Variants in ROBO1 observed in about 807,000 individuals in gnomAD.
ROBO1 encodes roundabout homolog 1.
ROBO1 carries 149 observed loss-of-function variants against 195.9 expected under a neutral mutation model. The ratio of observed to expected loss-of-function variants is 0.76; its 90% CI spans 0.67 to 0.87. The LOEUF (loss-of-function observed/expected upper bound fraction) is 0.87. Ranked by LOEUF, ROBO1 falls within the 40% of genes least tolerant of loss-of-function variation. The probability of loss-of-function intolerance (pLI) is 0.00; values close to 1 mark genes in which losing one functional copy is unlikely to be tolerated. For missense variants in ROBO1, 1,933 were observed against 2,068.3 expected, an observed-to-expected ratio of 0.93 and a Z score of 1.27; for synonymous variants, 816 against 733.2, an observed-to-expected ratio of 1.11 and a Z score of -1.82.
intron 6 of ROBO1, 69 bp from the exon 7 acceptor site, chr3:78,717,482 T>A: frequency 2.3e-6 from 3 of 1,320,852 alleles, no homozygotes; most frequent in East Asian, 4.6e-5. Context: ...CTTTAGGAGT[T>A]CAGTAAGAGC....
At chr3:79,563,363 G>A (rs1446320832) in intron 2 of ROBO1, among the ~76,000 whole-genome samples, 2 of 152,046 alleles carry the variant, frequency 1.3e-5, no homozygotes, top group East Asian at 1.9e-4. Flanking sequence ...ATAAAAGCGT[G>A]TGTATTTCTG....
At chr3:79,213,446 C>T (rs941848363) in intron 2 of ROBO1, among the ~76,000 whole-genome samples, 2 of 152,064 alleles carry the variant, frequency 1.3e-5, no homozygotes, top group Non-Finnish European at 2.9e-5. Context: ...TAGGTAATTT[C>T]CTCTTCTATT....
intron 2 of ROBO1, among the ~76,000 whole-genome samples, chr3:79,290,569 C>T (rs1444190496): frequency 6.6e-6 from 1 of 152,110 alleles, no homozygotes; most frequent in East Asian, 1.9e-4. Context: ...ATTGTACTCT[C>T]GACACCTCTC....
intron 2 of ROBO1, among the ~76,000 whole-genome samples, chr3:79,235,892 T>A (rs1243285061): frequency 6.6e-6 from 1 of 152,110 alleles, no homozygotes; most frequent in Non-Finnish European, 1.5e-5. Flanking sequence ...ATAGGTATGG[T>A]ATACTATATT....
chr3:79,183,887 T>C (rs900729856), intron 2 of ROBO1, among the ~76,000 whole-genome samples: 1 of 152,248 alleles, frequency 6.6e-6, no homozygotes. Context: ...TAACCATGAA[T>C]GTAATGACTT....
intron 5 of ROBO1, among the ~76,000 whole-genome samples, chr3:78,734,045 A>C (rs2108206786): frequency 6.6e-6 from 1 of 152,288 alleles, no homozygotes; most frequent in South Asian, 2.1e-4. Flanking sequence ...ATTATGAAGT[A>C]CAACTTTCTT....
In ROBO1 at chr3:78,668,579, CA is replaced by C. The variant is rs1291233280; in HGVS notation, c.1549-15del. The stretch of plus-strand genomic sequence containing the variant: ...AGTATCACCCAGCTGAGAAGGCAGA[CA>C]AAAAATAAATATTTGGAAAAATCAA... On this transcript the variant is annotated splice_polypyrimidine_tract_variant and intron_variant, in intron 11 of 30. Transcript: ENST00000464233. The C allele has an allele frequency of 6.2e-7, 1 of 1,610,528 alleles. No individual in the cohort carries two copies. Among genetic ancestry groups the C allele is most frequent in the Admixed American group, 1.7e-5 (1 of 59,592 alleles).
In ROBO1 at chr3:79,643,332, C is replaced by T. The variant is rs1355366538; in HGVS notation, c.-50-53371G>A. ...GGGACTTGGACTGGCTTCCTTGTTC[C>T]TCAGCTTGCAGATGGCCTATTGTGA... On this transcript the variant is annotated intron_variant, in intron 1 of 30. Transcript: ENST00000464233. Among the ~76,000 whole-genome samples, 3 of 152,112 alleles carry T rather than the reference C, an allele frequency of 2.0e-5. No individual in the cohort carries two copies. The East Asian group carries it at 5.8e-4, about 29-fold the overall frequency.
intron 5 of ROBO1, among the ~76,000 whole-genome samples, chr3:78,734,188 G>T (rs978585138): frequency 6.6e-6 from 1 of 152,008 alleles, no homozygotes; most frequent in Non-Finnish European, 1.5e-5. Context: ...AAGAGTTGGC[G>T]GAATTCCATG....
At chr3:79,001,969 T>C (rs2077515584) in intron 3 of ROBO1, among the ~76,000 whole-genome samples, 1 of 152,186 alleles carries the variant, frequency 6.6e-6, no homozygotes, top group Non-Finnish European at 1.5e-5. Flanking sequence ...GTTTAGAATT[T>C]CATTCAATCA....
rs574126654 is a variant in ROBO1 at position 79,354,860 on chromosome 3, T to C, written c.89-229321A>G. On this transcript the variant is annotated intron_variant, in intron 2 of 30. Coordinates refer to ENST00000464233, the MANE Select transcript of ROBO1 (RefSeq NM_002941.4). Reference sequence around the variant, plus strand: ...GATGTAGATTTGTGGGTCATTAGCATATAAATCTTAGAAACCATGCAAGTG... The same window carrying C: ...GATGTAGATTTGTGGGTCATTAGCACATAAATCTTAGAAACCATGCAAGTG... Among the ~76,000 whole-genome samples, 21 of 152,260 alleles carry C rather than the reference T, an allele frequency of 1.4e-4. No individual in the cohort carries two copies. In the South Asian group the frequency reaches 3.9e-3, roughly 29 times the overall value.
intron 2 of ROBO1, among the ~76,000 whole-genome samples, chr3:79,345,376 G>T (rs2035071124): frequency 6.6e-6 from 1 of 152,074 alleles, no homozygotes; most frequent in Admixed American, 6.6e-5. Flanking sequence ...GTAGGCAATT[G>T]ACACGTGACT....
At chr3:79,358,662 C>T (rs562218894) in intron 2 of ROBO1, among the ~76,000 whole-genome samples, 1 of 152,128 alleles carries the variant, frequency 6.6e-6, no homozygotes, top group East Asian at 1.9e-4. Flanking sequence ...TTTAACAGTA[C>T]TTGTACGTTT....
At chr3:79,284,769 A>C (rs1189561580) in intron 2 of ROBO1, among the ~76,000 whole-genome samples, 1 of 152,200 alleles carries the variant, frequency 6.6e-6, no homozygotes, top group African/African-American at 2.4e-5. Flanking sequence ...ACTTGATTGA[A>C]GTGAGATTGC....
intron 4 of ROBO1, among the ~76,000 whole-genome samples, chr3:78,775,269 T>C (rs1337967288): frequency 6.6e-6 from 1 of 152,214 alleles, no homozygotes; most frequent in Non-Finnish European, 1.5e-5. Context: ...CTAGCTCATG[T>C]GTGTAATTGT....
intron 1 of ROBO1, among the ~76,000 whole-genome samples, chr3:79,718,884 G>A (rs1267816024): frequency 1.3e-5 from 2 of 151,992 alleles, no homozygotes; most frequent in Non-Finnish European, 2.9e-5. Context: ...ATTAATTTCA[G>A]CTAAAAGATT....
At chr3:78,990,188 C>T (rs1376005209) in intron 3 of ROBO1, among the ~76,000 whole-genome samples, 2 of 151,984 alleles carry the variant, frequency 1.3e-5, no homozygotes, top group African/African-American at 4.8e-5. Context: ...TTTTGTTTCC[C>T]CCTTGGTGTT....
chr3:78,763,154 G>A (rs879711196), intron 4 of ROBO1, among the ~76,000 whole-genome samples: 2 of 151,982 alleles, frequency 1.3e-5, no homozygotes, highest in South Asian at 2.1e-4. Flanking sequence ...AGTAAAGACC[G>A]GCAATTAAAA....
chr3:79,569,259 A>G (rs1943194704), intron 2 of ROBO1, among the ~76,000 whole-genome samples: 1 of 152,228 alleles, frequency 6.6e-6, no homozygotes, highest in Admixed American at 6.5e-5. Flanking sequence ...TTTTATTAAC[A>G]CTAGGACTAA....
Sources: allele counts gnomAD v4.1 joint callset (sites outside exome capture counted in the v4.1 genomes callset), GRCh38; gene constraint gnomAD v4.1.1; transcripts MANE v1.5; gene names NCBI Gene and HGNC (gene_info 2026-07-23, HGNC 2026-07-21).